The following EXOC4 variants were observed in gnomAD, a reference collection of about 807,000 sequenced individuals.
EXOC4 encodes the protein SEC8-like 1.
A neutral mutation model predicts 107.2 loss-of-function variants in EXOC4; 71 were observed. The observed-to-expected ratio is 0.66, with a 90% CI of 0.55 to 0.81. EXOC4 has a LOEUF of 0.81. Among genes scored for constraint, EXOC4 ranks in the 30% least tolerant of loss-of-function variants. The pLI is 0.00. For missense variants in EXOC4, 1,108 were observed against 1,189.6 expected, an observed-to-expected ratio of 0.93 and a Z score of 1.01; for synonymous variants, 456 against 441.2, an observed-to-expected ratio of 1.03 and a Z score of -0.42.
chr7:133,775,703 GTC>G (rs1391969011), intron 10 of EXOC4, among the ~76,000 whole-genome samples: 1 of 152,104 alleles, frequency 6.6e-6, no homozygotes, highest in African/African-American at 2.4e-5. Context: ...CCCTATCCAT[GTC>G]TCCTGTGGGG....
intron 11 of EXOC4, among the ~76,000 whole-genome samples, chr7:133,878,536 G>A (rs1798897585): frequency 6.6e-6 from 1 of 152,218 alleles, no homozygotes; most frequent in South Asian, 2.1e-4. Context: ...CCATAGACCT[G>A]TAAGAGCTGG....
chr7:133,993,353 G>C (rs1052451281), intron 14 of EXOC4, among the ~76,000 whole-genome samples: 2 of 152,146 alleles, frequency 1.3e-5, no homozygotes, highest in African/African-American at 2.4e-5. Flanking sequence ...GTATTCAAGG[G>C]AGTTGAGGTT....
chr7:133,903,598 T>C (rs1166464540), intron 12 of EXOC4, among the ~76,000 whole-genome samples: 5 of 152,126 alleles, frequency 3.3e-5, no homozygotes, highest in Non-Finnish European at 7.4e-5. Context: ...ATGCTGCAGG[T>C]CTAGGCAAGC....
rs574270859 is a variant in EXOC4, at chr7:133,500,089, A to G, written c.1417+19951A>G. On this transcript the variant is annotated intron_variant, in intron 9 of 17. Coordinates refer to ENST00000253861, the MANE Select transcript of EXOC4 (RefSeq NM_021807.4). ...AAAGATGTTACATAATAGTTTTATTATATAGGGTTTGCAAAATAACTTGCA... is the reference window on the plus strand; with the variant it reads ...AAAGATGTTACATAATAGTTTTATTGTATAGGGTTTGCAAAATAACTTGCA... Among the ~76,000 whole-genome samples, 10 of 152,190 alleles carry G rather than the reference A, an allele frequency of 6.6e-5. No individual in the cohort carries two copies. The South Asian group carries it at 2.1e-3, about 32-fold the overall frequency.
intron 1 of EXOC4, among the ~76,000 whole-genome samples, chr7:133,264,455 T>A (rs2150510599): frequency 6.6e-6 from 1 of 152,334 alleles, no homozygotes; most frequent in Non-Finnish European, 1.5e-5. Flanking sequence ...CATTGTGAAT[T>A]GCTATCAATT....
rs139495018 is a variant in EXOC4, at chr7:133,491,577, T to C, written c.1417+11439T>C. Among the ~76,000 whole-genome samples the C allele has an allele frequency of 5.8e-3, 882 of 152,300 alleles. 8 individuals are homozygous for C. The highest frequency in any genetic ancestry group is 0.02 in the African/African-American group (841 of 41,564). On this transcript the variant is annotated intron_variant, in intron 9 of 17. Coordinates refer to ENST00000253861, the MANE Select transcript of EXOC4 (RefSeq NM_021807.4). ...TGCTGGTTAGTTCTTAGGGCTGTCA[T>C]ATCAGTTGACACACTGGAGGTTATG... is the stretch of plus-strand genomic sequence containing the variant.
intron 9 of EXOC4, among the ~76,000 whole-genome samples, chr7:133,606,843 G>T (rs191811611): frequency 6.6e-5 from 10 of 152,106 alleles, no homozygotes; most frequent in Admixed American, 6.6e-5. Flanking sequence ...ATGGTGGCTC[G>T]TCTCCAGCAC....
chr7:134,073,217 A>C, the EXOC4 span, among the ~76,000 whole-genome samples: 9 of 45,224 alleles, frequency 2.0e-4, no homozygotes, highest in Non-Finnish European at 7.2e-5. Flanking sequence ...AAAAAAAAAA[A>C]AAAAAAAAAA....
At chr7:133,254,175 G>T (rs1794959942) in intron 1 of EXOC4, among the ~76,000 whole-genome samples, 1 of 152,136 alleles carries the variant, frequency 6.6e-6, no homozygotes, top group Admixed American at 6.5e-5. Flanking sequence ...GCACTTCAAT[G>T]AATGCATGTA....
At chr7:133,968,604 A>T (rs1801127340) in intron 14 of EXOC4, among the ~76,000 whole-genome samples, 1 of 152,064 alleles carries the variant, frequency 6.6e-6, no homozygotes, top group African/African-American at 2.4e-5. Flanking sequence ...TATGAAGCTT[A>T]GTTTGGCTGG....
intron 11 of EXOC4, among the ~76,000 whole-genome samples, chr7:133,823,871 A>T (rs1277604332): frequency 1.9e-3 from 27 of 14,318 alleles, no homozygotes; most frequent in Admixed American, 3.7e-3. Flanking sequence ...ATATATATAT[A>T]TTATATATAT....
chr7:133,513,524 A>G (rs567864697), intron 9 of EXOC4, among the ~76,000 whole-genome samples: 2 of 152,320 alleles, frequency 1.3e-5, no homozygotes, highest in East Asian at 1.9e-4. Flanking sequence ...CAAACAGCAT[A>G]CTATACTAAA....
chr7:133,558,236 C>CTTTTCTT (rs1800739963), intron 9 of EXOC4, among the ~76,000 whole-genome samples: 2 of 147,956 alleles, frequency 1.4e-5, no homozygotes, highest in Non-Finnish European at 3.0e-5. Flanking sequence ...CTTTTCTTTT[C>CTTTTCTT]TTTTCTTTTC....
chr7:133,481,988 A>G (rs970813490), intron 9 of EXOC4, among the ~76,000 whole-genome samples: 3 of 152,182 alleles, frequency 2.0e-5, no homozygotes, highest in African/African-American at 7.2e-5. Context: ...TTAGCAGGCT[A>G]TCTAAGGCTA....
intron 17 of EXOC4, among the ~76,000 whole-genome samples, chr7:134,036,959 A>G (rs73156993): frequency 1.6e-4 from 24 of 152,320 alleles, no homozygotes; most frequent in Non-Finnish European, 2.9e-4. Flanking sequence ...TAAAATGCCC[A>G]GTACAAATAG....
chr7:133,468,718 C>A (rs1752214383), intron 7 of EXOC4, among the ~76,000 whole-genome samples: 1 of 152,152 alleles, frequency 6.6e-6, no homozygotes, highest in Non-Finnish European at 1.5e-5. Flanking sequence ...GAGGAATTCG[C>A]CTACTGTGCT....
rs150038988 is a variant in EXOC4 at position 133,544,660 on chromosome 7, A to G, written c.1417+64522A>G. Among the ~76,000 whole-genome samples, 387 of 152,192 alleles carry G rather than the reference A, an allele frequency of 2.5e-3. 2 individuals are homozygous for G. Among genetic ancestry groups the G allele is most frequent in the Non-Finnish European group, 3.3e-3 (225 of 67,968 alleles). On this transcript the variant is annotated intron_variant, in intron 9 of 17. Transcript: ENST00000253861. ...TTTCTTTCCTCTATTCTTAATCTCT[A>G]GGACCATGTTAGTAAGTTTGTTAGA...
chr7:134,033,813 G>A (rs1795325226), intron 17 of EXOC4, among the ~76,000 whole-genome samples: 1 of 152,106 alleles, frequency 6.6e-6, no homozygotes, highest in African/African-American at 2.4e-5. Context: ...AAAGTCAGCT[G>A]GTATCAGACT....
intron 9 of EXOC4, among the ~76,000 whole-genome samples, chr7:133,598,591 G>A (rs1801736364): frequency 6.6e-6 from 1 of 152,202 alleles, no homozygotes; most frequent in Admixed American, 6.5e-5. Flanking sequence ...TAGGGTATGT[G>A]AGTCTACTTT....
Sources: gnomAD v4.1 joint callset for allele counts (sites outside exome capture counted in the v4.1 genomes callset) on GRCh38, gnomAD v4.1.1 for gene constraint, MANE v1.5 for transcripts, NCBI Gene and HGNC (gene_info 2026-07-23, HGNC 2026-07-21) for gene names.